Variants in CNTNAP2 observed in about 807,000 individuals in gnomAD.
CNTNAP2 encodes the protein contactin-associated protein-like 2.
A neutral mutation model predicts 155.2 loss-of-function variants in CNTNAP2; 98 were observed. The ratio of observed to expected loss-of-function variants is 0.63; its 90% CI spans 0.54 to 0.75. The LOEUF (loss-of-function observed/expected upper bound fraction) is 0.75. CNTNAP2 is among the 30% of genes least tolerant of loss of function. The pLI, the probability that CNTNAP2 is intolerant of heterozygous loss-of-function variation, is 0.00. For missense variants in CNTNAP2, 1,727 were observed against 1,688.1 expected, an observed-to-expected ratio of 1.02 and a Z score of -0.40; for synonymous variants, 651 against 631.2, an observed-to-expected ratio of 1.03 and a Z score of -0.47.
At chr7:146,391,024 G>A (rs537449482) in intron 1 of CNTNAP2, among the ~76,000 whole-genome samples, 2 of 140,614 alleles carry the variant, frequency 1.4e-5, no homozygotes, top group South Asian at 2.2e-4. Flanking sequence ...CCGAGATCGC[G>A]CCACTGCACT....
intron 3 of CNTNAP2, among the ~76,000 whole-genome samples, chr7:146,970,728 T>G (rs1797771461): frequency 6.6e-6 from 1 of 152,212 alleles, no homozygotes; most frequent in Non-Finnish European, 1.5e-5. Context: ...CCCAAAGGAC[T>G]GTAAATCATG....
chr7:146,659,343 G>A (rs1433002520), intron 1 of CNTNAP2, among the ~76,000 whole-genome samples: 1 of 152,158 alleles, frequency 6.6e-6, no homozygotes, highest in African/African-American at 2.4e-5. Flanking sequence ...CTTTGGAAAG[G>A]CAGAGTGGAG....
intron 15 of CNTNAP2, among the ~76,000 whole-genome samples, chr7:148,100,912 A>G (rs1232441219): frequency 1.3e-5 from 2 of 152,168 alleles, no homozygotes; most frequent in African/African-American, 4.8e-5. Flanking sequence ...TGGATTAAGA[A>G]AATGTGGCAC....
At chr7:148,242,338 T>G (rs1173674713) in intron 20 of CNTNAP2, among the ~76,000 whole-genome samples, 1 of 152,176 alleles carries the variant, frequency 6.6e-6, no homozygotes, top group Non-Finnish European at 1.5e-5. Flanking sequence ...CGGTTTGAGG[T>G]TCTGAAGGGT....
intron 9 of CNTNAP2, among the ~76,000 whole-genome samples, chr7:147,325,774 G>T (rs774564878): frequency 3.6e-4 from 55 of 152,266 alleles, no homozygotes; most frequent in Admixed American, 2.8e-3. Context: ...TGTACAGTTT[G>T]GTGACATTAG....
At chr7:146,370,260 TAAAAAAAAAAAAAAA>T (rs34996621) in intron 1 of CNTNAP2, among the ~76,000 whole-genome samples, 1,826 of 87,642 alleles carry the variant, frequency 0.021, 48 homozygotes, top group African/African-American at 0.084. Context: ...ATCTCTACTT[TAAAAAAAAAAAAAAA>T]AAAAAAAAAA....
intron 1 of CNTNAP2, among the ~76,000 whole-genome samples, chr7:146,655,468 T>C (rs75452742): frequency 0.032 from 4,909 of 151,182 alleles, 124 homozygotes; most frequent in South Asian, 0.041. Flanking sequence ...TCAATATTAC[T>C]GTCAGTGCCT....
At chr7:146,658,239 T>G (rs1343694295) in intron 1 of CNTNAP2, among the ~76,000 whole-genome samples, 1 of 152,148 alleles carries the variant, frequency 6.6e-6, no homozygotes, top group East Asian at 1.9e-4. Context: ...AGGCATAGAA[T>G]GGCAGCACAT....
intron 9 of CNTNAP2, among the ~76,000 whole-genome samples, chr7:147,379,381 T>C (rs989957640): frequency 3.3e-5 from 5 of 152,112 alleles, no homozygotes; most frequent in African/African-American, 1.2e-4. Context: ...ATTCTGTTCA[T>C]TATACTTGTT....
chr7:148,136,043 GGGAGGGGAA>G (rs1804940862), intron 16 of CNTNAP2, among the ~76,000 whole-genome samples: 1 of 87,218 alleles, frequency 1.1e-5, no homozygotes, highest in Non-Finnish European at 2.3e-5. Context: ...GAGGGAGGGA[GGGAGGGGAA>G]GGGAAGGGAG....
chr7:146,727,675 T>C (rs7791155), intron 1 of CNTNAP2, among the ~76,000 whole-genome samples: 6 of 152,204 alleles, frequency 3.9e-5, no homozygotes, highest in East Asian at 1.9e-4. Flanking sequence ...TCAGGCCGTT[T>C]TGGTATTATG....
chr7:147,727,957 A>G (rs1796672211), intron 13 of CNTNAP2, among the ~76,000 whole-genome samples: 1 of 151,998 alleles, frequency 6.6e-6, no homozygotes, highest in South Asian at 2.1e-4. Flanking sequence ...CCCTATGGTC[A>G]TCAATGTGCA....
chr7:147,558,327 G>A (rs1799990235), intron 11 of CNTNAP2, among the ~76,000 whole-genome samples: 1 of 152,064 alleles, frequency 6.6e-6, no homozygotes, highest in African/African-American at 2.4e-5. Flanking sequence ...TTACTGTATT[G>A]TCTTTCAGTA....
chr7:146,116,894 C>G lies in CNTNAP2; in HGVS notation c.18C>G (p.Arg6=). The change falls in exon 1 of 24, where the codon CGC becomes CGG. Residue 6 remains arginine, a synonymous_variant. Coordinates refer to ENST00000361727, the MANE Select transcript of CNTNAP2 (RefSeq NM_014141.6). This position sits in a 1 kb window ranked among gnomAD's most constrained non-coding sequence, Gnocchi z 5.5. ...GGCGAAGGATGCAGGCGGCTCCGCG[C>G]GCCGGCTGCGGGGCAGCGCTCCTGC... The part of the protein sequence containing the change: MQAAP[R]AGCGAALLLW... 6.5e-7 allele frequency: 1 copy of G among 1,546,188 alleles called. No individual in the cohort carries two copies. The highest frequency in any genetic ancestry group is 8.7e-7 in the Non-Finnish European group (1 of 1,143,584).
chr7:148,359,654 T>C (rs1798581246), intron 21 of CNTNAP2, among the ~76,000 whole-genome samples: 1 of 152,240 alleles, frequency 6.6e-6, no homozygotes. Context: ...ACATACTCAG[T>C]AGGACAGTTT....
intron 19 of CNTNAP2, among the ~76,000 whole-genome samples, chr7:148,227,884 C>CGTGTGG (rs1795882409): frequency 7.6e-6 from 1 of 131,406 alleles, no homozygotes; most frequent in Non-Finnish European, 1.6e-5. Flanking sequence ...AAGAGCACAG[C>CGTGTGG]GTGTGTGTGT....
chr7:147,805,969 A>G (rs554011183), intron 13 of CNTNAP2, among the ~76,000 whole-genome samples: 47 of 152,350 alleles, frequency 3.1e-4, no homozygotes, highest in African/African-American at 9.4e-4. Context: ...AGACCTTAAA[A>G]GCACAAGAAA....
intron 1 of CNTNAP2, among the ~76,000 whole-genome samples, chr7:146,518,342 A>G (rs1468599371): frequency 2.0e-5 from 3 of 151,928 alleles, no homozygotes; most frequent in Non-Finnish European, 4.4e-5. Context: ...AACTCCGAAG[A>G]ATAAGAATAA....
chr7:146,807,724 C>T (rs1802993137), intron 2 of CNTNAP2, among the ~76,000 whole-genome samples: 1 of 151,928 alleles, frequency 6.6e-6, no homozygotes. Flanking sequence ...TCCTTTGTCT[C>T]TCCATCTCTG....
Sources: gnomAD v4.1 joint callset for allele counts (sites outside exome capture counted in the v4.1 genomes callset) on GRCh38, gnomAD v4.1.1 for gene constraint, Gnocchi (gnomAD v3.1) non-coding constraint, MANE v1.5 for transcripts, NCBI Gene and HGNC (gene_info 2026-07-23, HGNC 2026-07-21) for gene names.